Variants in CDHR3 observed in about 807,000 individuals in gnomAD.
The protein encoded by CDHR3 is cadherin related family member 3, also known as cadherin-related family member 3.
CDHR3 carries 79 observed loss-of-function variants against 86.6 expected under a neutral mutation model. That is an observed-to-expected ratio of 0.91 (90% CI 0.76 to 1.10). The LOEUF is 1.10. CDHR3 is among the 50% of genes least tolerant of loss of function. CDHR3 has a pLI of 0.00. For synonymous variants in CDHR3, 421 were observed against 402.4 expected (o/e 1.05, Z -0.55); for missense variants, 1,081 against 1,077.6 (o/e 1.00, Z -0.04).
intron 4 of CDHR3, among the ~76,000 whole-genome samples, chr7:105,987,536 A>T (rs954140890): frequency 3.9e-5 from 6 of 152,148 alleles, no homozygotes; most frequent in African/African-American, 1.4e-4. Context: ...GGTTCGTAAA[A>T]GTAGAAGGGA....
At chr7:106,008,516 G>T (rs1351300540) in intron 8 of CDHR3, among the ~76,000 whole-genome samples, 3 of 152,088 alleles carry the variant, frequency 2.0e-5, no homozygotes, top group Non-Finnish European at 4.4e-5. Context: ...CTCCTAGAAT[G>T]ATCCTAATTC....
At chr7:106,031,962 C>T (rs148337792) in intron 18 of CDHR3, among the ~76,000 whole-genome samples, 6 of 152,162 alleles carry the variant, frequency 3.9e-5, no homozygotes, top group African/African-American at 1.4e-4. Flanking sequence ...CAGCCTTTTC[C>T]TTCTCACTTG....
Position 106,015,209 on chromosome 7 carries a change from TA to T in CDHR3, c.1327del (p.Asn443IlefsTer8). ...QVQDVAPPYY[K>X]NNVYVYILTS... is the part of the protein sequence containing the mutation. ...TGCAGGATGTGGCCCCCCCTTACTA[TA>T]AAAGCAAGTATCATTTTGTTTTATT... is the stretch of plus-strand genomic sequence containing the variant. On this transcript the variant is annotated frameshift_variant, in exon 10 of 19. Coordinates refer to ENST00000317716, the MANE Select transcript of CDHR3 (RefSeq NM_152750.5). LOFTEE classifies it high-confidence loss of function. 6.2e-7 allele frequency: 1 copy of T among 1,603,900 alleles called. No homozygotes were observed. The highest frequency in any genetic ancestry group is 1.1e-5 in the South Asian group (1 of 88,672).
chr7:106,022,235 T>A lies in CDHR3; in HGVS notation c.1863T>A (p.Ala621=). The change falls in exon 14 of 19, where the codon GCT becomes GCA. Residue 621 remains alanine (A), a synonymous_variant. Coordinates refer to ENST00000317716, the MANE Select transcript of CDHR3 (RefSeq NM_152750.5). ...VNNHFTFSPN[A]GSNVTRLLLT... ...ATCATTTCACCTTCTCTCCCAATGCTGGTTCCAATGTCACACGCCTGCTGC... is the reference window on the plus strand; with the variant it reads ...ATCATTTCACCTTCTCTCCCAATGCAGGTTCCAATGTCACACGCCTGCTGC... 1 of 1,614,076 alleles carries A rather than the reference T, an allele frequency of 6.2e-7. No homozygotes were observed. Among genetic ancestry groups the A allele is most frequent in the Non-Finnish European group, 8.5e-7 (1 of 1,179,896 alleles).
At chr7:105,980,913 A>T in intron 2 of CDHR3, 55 bp from the exon 3 acceptor site, 1 of 1,515,552 alleles carries the variant, frequency 6.6e-7, no homozygotes, top group East Asian at 2.4e-5. Flanking sequence ...AAGTGCATGC[A>T]TGCAAAACAG....
chr7:106,024,667 C>A, intron 15 of CDHR3, 105 bp downstream of exon 15: 1 of 1,239,488 alleles, frequency 8.1e-7, no homozygotes, highest in Non-Finnish European at 1.1e-6. Flanking sequence ...CTCTACAAGG[C>A]AGGTTGCCTG....
chr7:106,031,660 G>C (rs143286522), intron 18 of CDHR3, among the ~76,000 whole-genome samples: 21 of 152,254 alleles, frequency 1.4e-4, no homozygotes, highest in African/African-American at 5.1e-4. Flanking sequence ...GTGCTGGTGG[G>C]ATCCTGAGCT....
At chr7:105,968,126 T>C (rs957148564) in intron 1 of CDHR3, among the ~76,000 whole-genome samples, 2 of 152,212 alleles carry the variant, frequency 1.3e-5, no homozygotes, top group Non-Finnish European at 2.9e-5. Flanking sequence ...GAATCACTAG[T>C]TGAATCACCT....
At chr7:105,980,623 A>ATTTTTTTTTTTTTTTTTTTTTTTT (rs55880404) in intron 2 of CDHR3, among the ~76,000 whole-genome samples, 2 of 108,156 alleles carry the variant, frequency 1.8e-5, no homozygotes, top group Non-Finnish European at 1.8e-5. Flanking sequence ...TTTTTTTTTA[A>ATTTTTTTTTTTTTTTTTTTTTTTT]TTTTTTTTTT....
At chr7:106,009,441 G>A (rs1015623091) in intron 8 of CDHR3, among the ~76,000 whole-genome samples, 1 of 152,218 alleles carries the variant, frequency 6.6e-6, no homozygotes, top group Admixed American at 6.5e-5. Flanking sequence ...AGCCAAGCAC[G>A]CAAGCAGGTC....
In CDHR3 at chr7:106,024,492, C is replaced by G. The variant is rs774528097; in HGVS notation, c.2188C>G (p.Leu730Val). 1 of 1,614,034 alleles carries G rather than the reference C, an allele frequency of 6.2e-7. No homozygotes were observed. The highest frequency in any genetic ancestry group is 1.7e-5 in the Admixed American group (1 of 60,028). Residue 730 changes from leucine (L) to valine (V), a missense_variant, in exon 15 of 19, where the codon CTG becomes GTG. Transcript: ENST00000317716. Reference sequence around the variant, plus strand: ...ATTGCTTCTGGGTCTCCTCGTGTACCTGGTCGTCCTATTGGCCAAAGCCAT... The same window carrying G: ...ATTGCTTCTGGGTCTCCTCGTGTACGTGGTCGTCCTATTGGCCAAAGCCAT... ...SILLLGLLVY[L>V]VVLLAKAIHR... is the part of the protein sequence containing the mutation.
At chr7:105,968,340 TTTTC>T (rs1001571215) in intron 1 of CDHR3, among the ~76,000 whole-genome samples, 3 of 152,066 alleles carry the variant, frequency 2.0e-5, no homozygotes, top group Admixed American at 6.5e-5. Context: ...ATGCATTTTC[TTTTC>T]TTTCTTTCTT....
intron 8 of CDHR3, among the ~76,000 whole-genome samples, chr7:106,005,379 T>C (rs1275060900): frequency 6.6e-6 from 1 of 152,264 alleles, no homozygotes; most frequent in East Asian, 1.9e-4. Flanking sequence ...GTCTTTCTAC[T>C]ATTTTGTCAA....
At position 106,035,000 on chromosome 7, in the gene CDHR3, A is replaced by T. The variant is rs974569068; in HGVS notation, c.*2303A>T. On this transcript the variant is annotated 3_prime_UTR_variant, in exon 19 of 19. Coordinates refer to ENST00000317716, the MANE Select transcript of CDHR3 (RefSeq NM_152750.5). The stretch of plus-strand genomic sequence containing the variant: ...AGGCTGAGGCAAGAGAATCGCTTGA[A>T]CCCAGGAGGCAGAAGTTGCAGTGGG... Among the ~76,000 whole-genome samples, 9 of 151,648 alleles carry T rather than the reference A, an allele frequency of 5.9e-5. No homozygotes were observed. The highest frequency in any genetic ancestry group is 2.2e-4 in the African/African-American group (9 of 41,226).
chr7:106,000,320 A>C (rs1423538635), intron 6 of CDHR3, among the ~76,000 whole-genome samples: 1 of 152,096 alleles, frequency 6.6e-6, no homozygotes, highest in Non-Finnish European at 1.5e-5. Context: ...TCTGGTAGGG[A>C]GGGTTGGGGT....
At chr7:106,027,779 A>G (rs1837594283) in intron 16 of CDHR3, 1 of 357,596 alleles carries the variant, frequency 2.8e-6, no homozygotes, top group Non-Finnish European at 5.6e-6. Flanking sequence ...ATTGACAGAG[A>G]TGATTTTAAT....
In CDHR3 at chr7:106,028,936, CTT is replaced by C. The variant is rs1265323072; in HGVS notation, c.2304+356_2304+357del. The stretch of plus-strand genomic sequence containing the variant: ...TTAAATTTTCTTTCTTTCTTTCTTT[CTT>C]TCTTTCTTTCTTTCTTTCTTTCTTT... On this transcript the variant is annotated intron_variant, in intron 17 of 18. Coordinates refer to ENST00000317716, the MANE Select transcript of CDHR3 (RefSeq NM_152750.5). Among the ~76,000 whole-genome samples, 582 of 102,498 alleles carry C rather than the reference CTT, an allele frequency of 5.7e-3. 3 individuals are homozygous for C. Among genetic ancestry groups the C allele is most frequent in the African/African-American group, 0.016 (419 of 26,568 alleles). The allele number at this position is 102,498 out of a possible 152,430, so 67.2% of individuals were successfully genotyped here. A position where few individuals can be genotyped will look rare whatever the true frequency, so the allele number is the denominator to read the frequency against.
chr7:105,978,520 C>T (rs1191089335), intron 2 of CDHR3, among the ~76,000 whole-genome samples: 4 of 152,110 alleles, frequency 2.6e-5, no homozygotes, highest in African/African-American at 7.2e-5. Flanking sequence ...CAAGGTTGCC[C>T]ACAACCAAAT....
At chr7:106,031,087 T>C (rs951693315) in intron 18 of CDHR3, among the ~76,000 whole-genome samples, 2 of 152,190 alleles carry the variant, frequency 1.3e-5, no homozygotes, top group African/African-American at 4.8e-5. Flanking sequence ...ACCTAAAGGC[T>C]CACGTTCAAG....
Sources: gnomAD v4.1 joint callset for allele counts (sites outside exome capture counted in the v4.1 genomes callset) on GRCh38, gnomAD v4.1.1 for gene constraint, MANE v1.5 for transcripts, NCBI Gene and HGNC (gene_info 2026-07-23, HGNC 2026-07-21) for gene names.